NUDCD1: variants seen among roughly 807,000 people sequenced by gnomAD.
NUDCD1 encodes nudC domain-containing protein 1.
In NUDCD1, 60 loss-of-function variants were observed where a neutral mutation model predicts 67.8. That is an observed-to-expected ratio of 0.88 (90% CI 0.72 to 1.10). The LOEUF (loss-of-function observed/expected upper bound fraction) is 1.10. Among genes scored for constraint, NUDCD1 ranks in the 50% least tolerant of loss-of-function variants. The pLI is 0.00. For synonymous variants in NUDCD1, 244 were observed against 230.8 expected, an observed-to-expected ratio of 1.06 and a Z score of -0.52; for missense variants, 643 against 695.0, an observed-to-expected ratio of 0.93 and a Z score of 0.84.
At chr8:109,262,723 C>T (rs967513296) in intron 8 of NUDCD1, among the ~76,000 whole-genome samples, 1 of 152,014 alleles carries the variant, frequency 6.6e-6, no homozygotes, top group Non-Finnish European at 1.5e-5. Flanking sequence ...TTTGCATAAA[C>T]GGATCTGCTT....
Position 109,241,131 on chromosome 8 carries a change from T to C in NUDCD1, c.*1878A>G, listed in dbSNP as rs1322610601. The C allele has an allele frequency of 6.6e-6, 1 of 152,140 alleles. No individual in the cohort carries two copies. The highest frequency in any genetic ancestry group is 6.6e-5 in the Admixed American group (1 of 15,254). The allele number at this position is 152,140 out of a possible 1,614,324, so 9.4% of individuals were successfully genotyped here. ...CAGGAAAATAGCTTGAAATCACGGC[T>C]CTAGACCTATTCATCTTTTAACGTA... On this transcript the variant is annotated 3_prime_UTR_variant, in exon 10 of 10. Transcript: ENST00000239690.
intron 3 of NUDCD1, among the ~76,000 whole-genome samples, chr8:109,294,449 C>T (rs537639112): frequency 6.6e-6 from 1 of 151,830 alleles, no homozygotes; most frequent in African/African-American, 2.4e-5. Context: ...CTTAAATATT[C>T]AAAACAGAGA....
chr8:109,249,187 TAGAA>T (rs1479492343), intron 8 of NUDCD1, among the ~76,000 whole-genome samples: 4 of 152,180 alleles, frequency 2.6e-5, no homozygotes, highest in African/African-American at 9.7e-5. Flanking sequence ...TTTCAAAGCT[TAGAA>T]AGAACTTAAT....
At chr8:109,297,297 T>C (rs953012502) in intron 2 of NUDCD1, among the ~76,000 whole-genome samples, 3 of 152,234 alleles carry the variant, frequency 2.0e-5, no homozygotes, top group African/African-American at 2.4e-5. Flanking sequence ...TAGCCTACTA[T>C]GAATCTAGGT....
intron 2 of NUDCD1, among the ~76,000 whole-genome samples, chr8:109,313,127 C>T (rs113341145): frequency 0.021 from 3,148 of 152,236 alleles, 109 homozygotes; most frequent in African/African-American, 0.072. Context: ...TAACAGCATC[C>T]TGTTCCTTTT....
chr8:109,270,915 A>T (rs1430470764), intron 8 of NUDCD1, 90 bp downstream of exon 8: 1 of 802,432 alleles, frequency 1.2e-6, no homozygotes, highest in Non-Finnish European at 1.9e-6. Flanking sequence ...AGTAACTGCT[A>T]ATCAAGTATC....
At chr8:109,289,682 T>A in intron 5 of NUDCD1, 69 bp downstream of exon 5, 1 of 807,856 alleles carries the variant, frequency 1.2e-6, no homozygotes, top group Non-Finnish European at 1.9e-6. Flanking sequence ...TTAACCTAAC[T>A]GGGAAAATAA....
chr8:109,252,624 G>A lies in NUDCD1; in HGVS notation c.1300-7143C>T, dbSNP rs572730826. On this transcript the variant is annotated intron_variant, in intron 8 of 9. Transcript: ENST00000239690. Reference sequence around the variant, plus strand: ...TTGTGTCTGTGAATGCTAGGTGACAGTTACGGGTCACACCACGTCTTTAGC... The same window carrying A: ...TTGTGTCTGTGAATGCTAGGTGACAATTACGGGTCACACCACGTCTTTAGC... Among the ~76,000 whole-genome samples the A allele has an allele frequency of 2.6e-5, 4 of 152,324 alleles. No individual in the cohort carries two copies. In the South Asian group the frequency reaches 8.3e-4, roughly 32 times the overall value.
chr8:109,299,486 C>A (rs1448240859), intron 2 of NUDCD1, among the ~76,000 whole-genome samples: 1 of 152,246 alleles, frequency 6.6e-6, no homozygotes, highest in East Asian at 1.9e-4. Flanking sequence ...GGTTCTCCCC[C>A]ACTTCCCTGA....
intron 6 of NUDCD1, among the ~76,000 whole-genome samples, chr8:109,279,127 T>G (rs1410579190): frequency 1.3e-5 from 2 of 152,184 alleles, no homozygotes; most frequent in Non-Finnish European, 2.9e-5. Context: ...TTATTTTGGT[T>G]AAACATCAAG....
At chr8:109,250,899 G>C (rs938357528) in intron 8 of NUDCD1, among the ~76,000 whole-genome samples, 2 of 152,048 alleles carry the variant, frequency 1.3e-5, no homozygotes, top group Non-Finnish European at 1.5e-5. Flanking sequence ...TTTTGTGTCT[G>C]TATTCATGGA....
At chr8:109,255,369 T>C (rs1813704697) in intron 8 of NUDCD1, among the ~76,000 whole-genome samples, 1 of 152,188 alleles carries the variant, frequency 6.6e-6, no homozygotes. Context: ...AAATTACCTA[T>C]ATACTTAAAT....
At chr8:109,257,092 G>A (rs1324704926) in intron 8 of NUDCD1, among the ~76,000 whole-genome samples, 1 of 151,990 alleles carries the variant, frequency 6.6e-6, no homozygotes, top group Admixed American at 6.6e-5. Context: ...ATTAGGAACA[G>A]GACAAGAATT....
chr8:109,252,332 T>TACTTTTCCCACAGC (rs1563659150), intron 8 of NUDCD1, among the ~76,000 whole-genome samples: 2 of 152,142 alleles, frequency 1.3e-5, no homozygotes, highest in African/African-American at 4.8e-5. Context: ...CCTCAAGGCA[T>TACTTTTCCCACAGC]AGAGATGGTG....
chr8:109,248,771 G>A (rs1186687204), intron 8 of NUDCD1, among the ~76,000 whole-genome samples: 2 of 148,978 alleles, frequency 1.3e-5, no homozygotes, highest in Admixed American at 6.7e-5. Context: ...AAAGCTTTTC[G>A]AAACCTGACC....
intron 7 of NUDCD1, 46 bp downstream of exon 7, chr8:109,275,306 T>A: frequency 1.3e-6 from 2 of 1,568,698 alleles, no homozygotes; most frequent in Non-Finnish European, 8.7e-7. Context: ...TCACATAACA[T>A]ATTTTTGGAC....
At chr8:109,317,628 T>C (rs1242210567) in intron 2 of NUDCD1, among the ~76,000 whole-genome samples, 1 of 152,218 alleles carries the variant, frequency 6.6e-6, no homozygotes, top group African/African-American at 2.4e-5. Context: ...TAATAATCTC[T>C]ATGCAATAAA....
intron 3 of NUDCD1, among the ~76,000 whole-genome samples, chr8:109,295,886 T>C (rs1421026570): frequency 6.6e-6 from 1 of 152,200 alleles, no homozygotes; most frequent in African/African-American, 2.4e-5. Context: ...TAGATTTATA[T>C]CTAATTTTTA....
chr8:109,268,939 C>T (rs1814075688), intron 8 of NUDCD1, among the ~76,000 whole-genome samples: 2 of 151,996 alleles, frequency 1.3e-5, no homozygotes, highest in South Asian at 2.1e-4. Context: ...CAAAACAGCT[C>T]CAATAATCTT....
Sources: allele counts gnomAD v4.1 joint callset (sites outside exome capture counted in the v4.1 genomes callset), GRCh38; gene constraint gnomAD v4.1.1; transcripts MANE v1.5; gene names NCBI Gene and HGNC (gene_info 2026-07-23, HGNC 2026-07-21).